Variants in PTPRG observed in about 807,000 individuals in gnomAD.
PTPRG encodes the protein receptor-type tyrosine-protein phosphatase gamma.
In PTPRG, 102 loss-of-function variants were observed where a neutral mutation model predicts 165.3. That is an observed-to-expected ratio of 0.62 (90% CI 0.53 to 0.73). PTPRG has a LOEUF of 0.73. Among genes scored for constraint, PTPRG ranks in the 30% least tolerant of loss-of-function variants. The pLI, the probability that PTPRG is intolerant of heterozygous loss-of-function variation, is 0.00. For synonymous variants in PTPRG, 675 were observed against 669.5 expected (o/e 1.01, Z -0.13); for missense variants, 1,866 against 1,861.4 (o/e 1.00, Z -0.05).
chr3:62,061,385 C>G (rs1443029583), intron 4 of PTPRG, among the ~76,000 whole-genome samples: 1 of 138,058 alleles, frequency 7.2e-6, no homozygotes, highest in African/African-American at 2.6e-5. Context: ...AATGGAGCCA[C>G]TCTGTAACCT....
intron 1 of PTPRG, among the ~76,000 whole-genome samples, chr3:61,579,158 G>A (rs762464627): frequency 6.6e-6 from 1 of 152,176 alleles, no homozygotes; most frequent in Non-Finnish European, 1.5e-5. Flanking sequence ...AAAGAGACTA[G>A]TCCTTCAGAC....
chr3:62,007,790 T>C (rs1575880057), intron 4 of PTPRG, among the ~76,000 whole-genome samples: 1 of 152,178 alleles, frequency 6.6e-6, no homozygotes, highest in African/African-American at 2.4e-5. Flanking sequence ...AAAAGATGAG[T>C]TGGAGCTTCC....
intron 26 of PTPRG, among the ~76,000 whole-genome samples, chr3:62,279,508 A>C (rs1284017418): frequency 6.6e-6 from 1 of 152,058 alleles, no homozygotes. Context: ...GTTCAGATTA[A>C]TTTACCCAGG....
intron 2 of PTPRG, among the ~76,000 whole-genome samples, chr3:61,912,954 G>A (rs2038839369): frequency 6.6e-6 from 1 of 152,096 alleles, no homozygotes; most frequent in South Asian, 2.1e-4. Context: ...ACATGAACAG[G>A]TGTATGTGAA....
At chr3:62,234,054 C>T (rs1301249398) in intron 14 of PTPRG, among the ~76,000 whole-genome samples, 1 of 152,136 alleles carries the variant, frequency 6.6e-6, no homozygotes, top group Non-Finnish European at 1.5e-5. Context: ...AATATATAAG[C>T]AAATAATGAA....
chr3:61,737,319 T>A (rs1265240702), intron 1 of PTPRG, among the ~76,000 whole-genome samples: 1 of 152,196 alleles, frequency 6.6e-6, no homozygotes, highest in Non-Finnish European at 1.5e-5. Context: ...ATTGCCTTCC[T>A]CATGGACTGG....
intron 5 of PTPRG, among the ~76,000 whole-genome samples, chr3:62,104,660 T>C (rs1702410673): frequency 1.3e-5 from 2 of 152,196 alleles, no homozygotes; most frequent in African/African-American, 2.4e-5. Context: ...TTTTAAATAG[T>C]GGACTTGAGC....
At position 62,254,546 on chromosome 3, in the gene PTPRG, T is replaced by G. The variant is rs977683799; in HGVS notation, c.2468-578T>G. On this transcript the variant is annotated intron_variant, in intron 15 of 29. Transcript: ENST00000474889. This position sits in a 1 kb window ranked among gnomAD's most constrained non-coding sequence, Gnocchi z 4.6. ...CAGTCAAACTGATTATTTGGCATCA[T>G]GTAGACACAGCTGTCTTGAGCTAAA... 5.9e-5 allele frequency among the ~76,000 whole-genome samples: 9 copies of G among 152,302 alleles called. No homozygotes were observed. The highest frequency in any genetic ancestry group is 2.2e-4 in the African/African-American group (9 of 41,572).
rs1419565840 is a variant in PTPRG at position 62,275,844 on chromosome 3, T to A, written c.3466-29T>A. The A allele has an allele frequency of 3.3e-6, 5 of 1,520,824 alleles. No homozygotes were observed. The East Asian group carries it at 1.1e-4, about 34-fold the overall frequency. 94.2% of individuals were successfully genotyped at this position (1,520,824 alleles called of 1,614,324 possible). On this transcript the variant is annotated intron_variant, in intron 23 of 29. Transcript: ENST00000474889. ...AAATGCTATCAATTATATCTTTGAA[T>A]GAAGACTAAAATGTTTTTTCTTTTT... is the stretch of plus-strand genomic sequence containing the variant.
chr3:61,892,830 A>AT (rs2038253687), intron 2 of PTPRG, among the ~76,000 whole-genome samples: 2 of 151,910 alleles, frequency 1.3e-5, no homozygotes, highest in Admixed American at 6.6e-5. Context: ...AAAAAAAAAA[A>AT]GTACCTGGGT....
chr3:61,596,477 C>T (rs774306884), intron 1 of PTPRG, among the ~76,000 whole-genome samples: 1 of 152,050 alleles, frequency 6.6e-6, no homozygotes, highest in African/African-American at 2.4e-5. Flanking sequence ...ATATGAAACA[C>T]GTAGCATGAC....
At chr3:62,281,181 T>C (rs1377438107) in intron 26 of PTPRG, among the ~76,000 whole-genome samples, 1 of 152,078 alleles carries the variant, frequency 6.6e-6, no homozygotes, top group Non-Finnish European at 1.5e-5. Flanking sequence ...ATTAACATAA[T>C]CCACAGGAAA....
chr3:61,995,783 C>CT (rs1028370566), intron 3 of PTPRG, among the ~76,000 whole-genome samples: 3 of 131,580 alleles, frequency 2.3e-5, no homozygotes, highest in Non-Finnish European at 4.7e-5. Context: ...TTTTCTTTTT[C>CT]TTTTTTTGAT....
At chr3:61,671,755 G>A (rs1702997569) in intron 1 of PTPRG, among the ~76,000 whole-genome samples, 3 of 144,500 alleles carry the variant, frequency 2.1e-5, no homozygotes, top group South Asian at 2.2e-4. Context: ...CGGGGCGGCT[G>A]GCCGGGCGGG....
intron 1 of PTPRG, among the ~76,000 whole-genome samples, chr3:61,663,306 T>C (rs1285572841): frequency 6.6e-6 from 1 of 152,206 alleles, no homozygotes; most frequent in Non-Finnish European, 1.5e-5. Context: ...CCCAAATGCC[T>C]GGTGTCACAG....
intron 4 of PTPRG, among the ~76,000 whole-genome samples, chr3:62,044,930 C>G (rs1700242008): frequency 6.6e-6 from 1 of 152,094 alleles, no homozygotes. Flanking sequence ...TCCTTTTAAT[C>G]AAGACTGAGC....
At chr3:61,762,936 C>A (rs2033900810) in intron 2 of PTPRG, among the ~76,000 whole-genome samples, 1 of 152,076 alleles carries the variant, frequency 6.6e-6, no homozygotes, top group African/African-American at 2.4e-5. Flanking sequence ...CTTAACATGG[C>A]TTCCAGAATT....
intron 8 of PTPRG, among the ~76,000 whole-genome samples, chr3:62,182,184 AGAG>A (rs1360348867): frequency 1.3e-5 from 2 of 152,164 alleles, no homozygotes; most frequent in South Asian, 2.1e-4. Flanking sequence ...AGGAGAAAGA[AGAG>A]GAGGAGTTCG....
At chr3:62,031,477 G>A (rs527646190) in intron 4 of PTPRG, among the ~76,000 whole-genome samples, 2 of 152,294 alleles carry the variant, frequency 1.3e-5, no homozygotes, top group African/African-American at 4.8e-5. Context: ...ATATGGAGAG[G>A]TAGACAGGGG....
Sources: allele counts gnomAD v4.1 joint callset (sites outside exome capture counted in the v4.1 genomes callset), GRCh38; gene constraint gnomAD v4.1.1; non-coding constraint Gnocchi (gnomAD v3.1); transcripts MANE v1.5; gene names NCBI Gene and HGNC (gene_info 2026-07-23, HGNC 2026-07-21).